HTR4: variants seen among roughly 807,000 people sequenced by gnomAD.
The protein encoded by HTR4 is 5-hydroxytryptamine receptor 4.
A neutral mutation model predicts 36.8 loss-of-function variants in HTR4; 16 were observed. The observed-to-expected ratio is 0.43, with a 90% CI of 0.29 to 0.66. The LOEUF (loss-of-function observed/expected upper bound fraction) is 0.66, where lower values mean the gene tolerates loss of function less well. HTR4 is among the 30% of genes least tolerant of loss of function. HTR4 has a pLI of 0.13. For missense variants in HTR4, 438 were observed against 490.9 expected, an observed-to-expected ratio of 0.89 and a Z score of 1.02; for synonymous variants, 189 against 185.1, an observed-to-expected ratio of 1.02 and a Z score of -0.17.
Position 148,542,351 on chromosome 5 carries a change from A to G in HTR4, c.353+6317T>C, listed in dbSNP as rs532830417. Among the ~76,000 whole-genome samples the G allele has an allele frequency of 7.2e-5, 11 of 152,348 alleles. No homozygotes were observed. In the East Asian group the frequency reaches 1.9e-3, roughly 27 times the overall value. On this transcript the variant is annotated intron_variant, in intron 4 of 6. Coordinates refer to ENST00000377888, the MANE Select transcript of HTR4 (RefSeq NM_000870.7). ...TCACAATGACAGACACTTTTCATTT[A>G]TACATTACAAAATCGAATTATACTC...
intron 2 of HTR4, among the ~76,000 whole-genome samples, chr5:148,577,805 TG>T (rs773405766): frequency 2.0e-5 from 3 of 151,850 alleles, no homozygotes; most frequent in Non-Finnish European, 4.4e-5. Context: ...CAAAAGACAC[TG>T]GGGTCTACTT....
chr5:148,481,422 T>C, downstream of HTR4: 1 of 745,790 alleles, frequency 1.3e-6, no homozygotes, highest in African/African-American at 1.8e-5. Flanking sequence ...CATTTCAGCA[T>C]GGAGAGATAT....
intron 1 of HTR4, among the ~76,000 whole-genome samples, chr5:148,644,433 T>G (rs945384152): frequency 8.9e-5 from 12 of 134,174 alleles, no homozygotes; most frequent in East Asian, 2.1e-4. Flanking sequence ...TTTTTTTTTT[T>G]TTTTTTTTTT....
chr5:148,564,318 G>A (rs1484162386), intron 2 of HTR4, among the ~76,000 whole-genome samples: 9 of 152,160 alleles, frequency 5.9e-5, no homozygotes, highest in African/African-American at 1.9e-4. Context: ...TATTGTCTGG[G>A]AAGCCATCCT....
In HTR4 at chr5:148,483,266, C is replaced by G. The variant is rs1199005022; in HGVS notation, c.1104G>C (p.Trp368Cys). Reference protein sequence around the residue: ...LRDAVECGGQWESQCHPPATS... With the variant: ...LRDAVECGGQCESQCHPPATS... ...TTGCTGGCGGGTGACACTGACTCTCCCACTGGCCACCACACTCCACTGCAT... is the reference window on the plus strand; with the variant it reads ...TTGCTGGCGGGTGACACTGACTCTCGCACTGGCCACCACACTCCACTGCAT... Residue 368 changes from tryptophan to cysteine, a missense_variant, in exon 7 of 7, where the codon TGG becomes TGC. Physicochemically the swap from Trp to Cys is radical, Grantham distance 215. Transcript: ENST00000377888. The G allele has an allele frequency of 6.2e-7, 1 of 1,613,596 alleles. No individual in the cohort carries two copies. The highest frequency in any genetic ancestry group is 1.3e-5 in the African/African-American group (1 of 74,884).
chr5:148,547,210 T>C (rs1181441896), intron 4 of HTR4, among the ~76,000 whole-genome samples: 2 of 152,110 alleles, frequency 1.3e-5, no homozygotes, highest in African/African-American at 4.8e-5. Context: ...CCTCCCCCAG[T>C]GTGATTAATT....
chr5:148,490,143 G>A (rs554333114), intron 6 of HTR4, among the ~76,000 whole-genome samples: 93 of 147,104 alleles, frequency 6.3e-4, no homozygotes, highest in African/African-American at 2.3e-3. Flanking sequence ...ACATATACAT[G>A]TATATATATA....
Position 148,490,738 on chromosome 5 carries a change from A to G in HTR4, c.1077-7445T>C, listed in dbSNP as rs1756378613. On this transcript the variant is annotated intron_variant, in intron 6 of 6. Transcript: ENST00000377888. ...TAGGAACTCCCTAGTAAGGCAATCC[A>G]TTCCATTTTGTGCTGAAATACATGT... 5 of 1,273,406 alleles carry G rather than the reference A, an allele frequency of 3.9e-6. No individual in the cohort carries two copies. The East Asian group carries it at 1.7e-4, about 43-fold the overall frequency. 78.9% of individuals were successfully genotyped at this position (1,273,406 alleles called of 1,614,324 possible).
At chr5:148,607,359 A>G (rs1019379578) in intron 2 of HTR4, among the ~76,000 whole-genome samples, 12 of 152,186 alleles carry the variant, frequency 7.9e-5, no homozygotes, top group South Asian at 2.1e-4. Flanking sequence ...TCAAGCTTCA[A>G]TGTTGGCCTA....
intron 5 of HTR4, among the ~76,000 whole-genome samples, chr5:148,453,511 A>T (rs1054094872): frequency 6.6e-6 from 1 of 152,204 alleles, no homozygotes; most frequent in Admixed American, 6.5e-5. Context: ...AAACTGAGGC[A>T]TGTGCCTATC....
intron 5 of HTR4, among the ~76,000 whole-genome samples, chr5:148,469,961 G>A (rs764834077): frequency 1.3e-5 from 2 of 152,150 alleles, no homozygotes; most frequent in African/African-American, 2.4e-5. Flanking sequence ...GTATCAGAGG[G>A]AGATCACAAC....
intron 2 of HTR4, among the ~76,000 whole-genome samples, chr5:148,551,977 T>C (rs543766362): frequency 4.6e-5 from 7 of 152,296 alleles, no homozygotes; most frequent in African/African-American, 1.7e-4. Flanking sequence ...CTGCTTGTCC[T>C]GTGAGCCCAC....
At chr5:148,522,430 T>C (rs951808573) in intron 5 of HTR4, among the ~76,000 whole-genome samples, 2 of 152,218 alleles carry the variant, frequency 1.3e-5, no homozygotes, top group Admixed American at 1.3e-4. Context: ...TTACTTAACC[T>C]TAACCTACAT....
At chr5:148,550,092 T>G (rs753047623) in intron 3 of HTR4, 45 bp downstream of exon 3, 1 of 1,610,496 alleles carries the variant, frequency 6.2e-7, no homozygotes, top group South Asian at 1.1e-5. Flanking sequence ...TAGGGACAGC[T>G]CAGAACTCCC....
At chr5:148,496,617 A>AT (rs1756696771) in intron 6 of HTR4, among the ~76,000 whole-genome samples, 1 of 152,156 alleles carries the variant, frequency 6.6e-6, no homozygotes, top group Non-Finnish European at 1.5e-5. Flanking sequence ...AGCCACAGGG[A>AT]TGGAAACGTC....
intron 2 of HTR4, among the ~76,000 whole-genome samples, chr5:148,569,593 A>G (rs1760593830): frequency 6.6e-6 from 1 of 151,466 alleles, no homozygotes; most frequent in South Asian, 2.1e-4. Context: ...TATTATATTT[A>G]TCTTATTTAT....
chr5:148,511,436 T>A (rs924395017), intron 5 of HTR4, among the ~76,000 whole-genome samples: 2 of 151,446 alleles, frequency 1.3e-5, no homozygotes, highest in African/African-American at 4.9e-5. Flanking sequence ...ATCTGTATCT[T>A]CTTTAATATT....
At chr5:148,643,454 C>T (rs1004101190) in intron 1 of HTR4, among the ~76,000 whole-genome samples, 1 of 151,778 alleles carries the variant, frequency 6.6e-6, no homozygotes, top group Admixed American at 6.6e-5. Flanking sequence ...ATTTTTTTCC[C>T]CCAAAGAATA....
At chr5:148,454,791 G>C (rs974705682) in intron 5 of HTR4, among the ~76,000 whole-genome samples, 1 of 152,190 alleles carries the variant, frequency 6.6e-6, no homozygotes, top group Non-Finnish European at 1.5e-5. Context: ...TAGCAGCTGA[G>C]TGAGTCTCCT....
Sources: gnomAD v4.1 joint callset for allele counts (sites outside exome capture counted in the v4.1 genomes callset) on GRCh38, gnomAD v4.1.1 for gene constraint, MANE v1.5 for transcripts, NCBI Gene and HGNC (gene_info 2026-07-23, HGNC 2026-07-21) for gene names.